The following S100A13 variants were observed in gnomAD, a reference collection of about 807,000 sequenced individuals.
S100A13 encodes S100 calcium binding protein A13, also known as protein S100-A13.
In S100A13, 6 loss-of-function variants were observed where a neutral mutation model predicts 8.2. The ratio of observed to expected loss-of-function variants is 0.73; its 90% CI spans 0.40 to 1.44. S100A13 has a LOEUF of 1.44. Ranked by LOEUF, S100A13 falls within the 40% of genes most tolerant of loss-of-function variation. The probability of loss-of-function intolerance (pLI) is 0.02; values close to 1 mark genes in which losing one functional copy is unlikely to be tolerated. For missense variants in S100A13, 114 were observed against 113.6 expected (o/e 1.00, Z -0.02); for synonymous variants, 39 against 45.9 (o/e 0.85, Z 0.61).
At chr1:153,628,401 T>C, upstream of S100A13, 1 of 1,550,268 alleles carries the variant, frequency 6.5e-7, no homozygotes, top group Non-Finnish European at 8.7e-7. Flanking sequence ...GGGGAGGGAC[T>C]GTTGAAGACA....
intron 2 of S100A13, among the ~76,000 whole-genome samples, chr1:153,620,846 G>C (rs776668497): frequency 1.3e-5 from 2 of 151,972 alleles, no homozygotes; most frequent in African/African-American, 2.4e-5. Context: ...TGAGAGGATC[G>C]CTTGAGCCCA....
upstream of S100A13, among the ~76,000 whole-genome samples, chr1:153,633,499 C>T (rs1161908482): frequency 6.6e-6 from 1 of 152,032 alleles, no homozygotes; most frequent in Non-Finnish European, 1.5e-5. Flanking sequence ...TAAACAGTAT[C>T]TAGGCCAAGT....
At chr1:153,633,818 AC>A (rs11355590), upstream of S100A13, 88,910 of 152,014 alleles carry the variant, frequency 0.58, 26,390 homozygotes, top group East Asian at 0.7. Flanking sequence ...ATTAATAACT[AC>A]CCCCAAGAGG....
chr1:153,626,193 C>G, intron 2 of S100A13, 127 bp downstream of exon 2: 1 of 824,502 alleles, frequency 1.2e-6, no homozygotes, highest in Non-Finnish European at 2.0e-6. Flanking sequence ...AACCTGCAAC[C>G]ATTGACACAT....
upstream of S100A13, chr1:153,630,536 G>A (rs535234507): frequency 3.1e-6 from 5 of 1,614,222 alleles, no homozygotes; most frequent in African/African-American, 5.3e-5. Flanking sequence ...GCTCTGAGCT[G>A]GAGACGGCGA....
upstream of S100A13, chr1:153,631,055 C>A (rs902022859): frequency 3.4e-6 from 1 of 296,792 alleles, no homozygotes; most frequent in Admixed American, 4.7e-5. Context: ...GCACTTGAAC[C>A]ATGGATTTCC....
chr1:153,630,032 G>A (rs1013116022), upstream of S100A13: 11 of 166,596 alleles, frequency 6.6e-5, no homozygotes, highest in Admixed American at 3.2e-4. Context: ...CTTGCTAGGG[G>A]TGGGCAGCAG....
At chr1:153,631,455 CT>C (rs1172435701), upstream of S100A13, 1 of 1,572,588 alleles carries the variant, frequency 6.4e-7, no homozygotes, top group Non-Finnish European at 8.6e-7. Flanking sequence ...GTAGTGCTTG[CT>C]TTATTATAGG....
At chr1:153,632,943 GC>G (rs1230456989), upstream of S100A13, 1 of 152,132 alleles carries the variant, frequency 6.6e-6, no homozygotes, top group Non-Finnish European at 1.5e-5. Context: ...ACAGAGGCGG[GC>G]AGATCACTTG....
intron 2 of S100A13, among the ~76,000 whole-genome samples, chr1:153,624,568 A>C (rs1425573026): frequency 3.3e-5 from 5 of 151,898 alleles, no homozygotes; most frequent in Middle Eastern, 3.4e-3. Context: ...AAAAAACCAC[A>C]ATCACTGCTT....
upstream of S100A13, chr1:153,632,383 T>C (rs1311628846): frequency 6.9e-6 from 1 of 145,782 alleles, no homozygotes; most frequent in Non-Finnish European, 1.5e-5. Flanking sequence ...GCGATTCACC[T>C]GCCTCAGCCT....
upstream of S100A13, chr1:153,628,749 C>G (rs577709564): frequency 8.7e-6 from 5 of 577,988 alleles, no homozygotes; most frequent in South Asian, 1.3e-4. Context: ...GGGAACCCAC[C>G]ATGAGCTTCC....
upstream of S100A13, chr1:153,631,600 G>A (rs778146451): frequency 1.5e-5 from 24 of 1,613,576 alleles, no homozygotes; most frequent in Admixed American, 5.0e-5. Context: ...AGTTCCTCTC[G>A]CTCATCTTTG....
chr1:153,633,237 G>C (rs575641232), upstream of S100A13: 1 of 152,144 alleles, frequency 6.6e-6, no homozygotes, highest in East Asian at 1.9e-4. Flanking sequence ...AATCCTAGGA[G>C]TCGGGAGGCT....
Position 153,626,392 on chromosome 1 carries a change from C to G in S100A13, c.81G>C (p.Glu27Asp). 1 of 1,614,206 alleles carries G rather than the reference C, an allele frequency of 6.2e-7. No homozygotes were observed. The highest frequency in any genetic ancestry group is 8.5e-7 in the Non-Finnish European group (1 of 1,180,030). ...TGACGCTGAGGCTATCCTTCCGGCC[C>G]TCCTGCCTTGCAAAGGTGAAGAAGG... ...VTTFFTFARQ[E>D]GRKDSLSVNE... The change falls in exon 2 of 3, where the codon GAG becomes GAC. Residue 27 changes from glutamate (E) to aspartate (D), a missense_variant. Coordinates refer to ENST00000476133, the MANE Select transcript of S100A13 (RefSeq NM_001024211.2).
At chr1:153,620,240 TCGCG>T (rs1667149949) in intron 2 of S100A13, among the ~76,000 whole-genome samples, 1 of 151,734 alleles carries the variant, frequency 6.6e-6, no homozygotes, top group Non-Finnish European at 1.5e-5. Context: ...TGAGCAGAGA[TCGCG>T]CCATTGCACT....
upstream of S100A13, chr1:153,631,873 C>G (rs1441001576): frequency 1.9e-6 from 3 of 1,607,224 alleles, no homozygotes; most frequent in Non-Finnish European, 2.5e-6. Context: ...CGCCCTTCCT[C>G]TCCACCCTCC....
chr1:153,633,388 C>T (rs1334617286), upstream of S100A13, among the ~76,000 whole-genome samples: 8 of 152,054 alleles, frequency 5.3e-5, no homozygotes, highest in Admixed American at 5.2e-4. Flanking sequence ...AAAGAGAAAT[C>T]CCTATGTAGG....
rs2230918 is a variant in S100A13, at chr1:153,619,032, C to T, written c.160G>A (p.Gly54Ser). 2.2e-3 allele frequency: 3,509 copies of T among 1,613,678 alleles called. 8 individuals carry two copies. The highest frequency in any genetic ancestry group is 2.7e-3 in the Non-Finnish European group (3,214 of 1,179,750). Residue 54 changes from glycine (G) to serine (S), a missense_variant, in exon 3 of 3, where the codon GGC becomes AGC. Transcript: ENST00000476133. ...QQLPHLLKDV[G>S]SLDEKMKSLD... ...CTCTTCATCTTCTCATCAAGAGAGC[C>T]CACATCCTGAGGAGACACCAAAGGG...
Sources: gnomAD v4.1 joint callset for allele counts (sites outside exome capture counted in the v4.1 genomes callset) on GRCh38, gnomAD v4.1.1 for gene constraint, MANE v1.5 for transcripts, NCBI Gene and HGNC (gene_info 2026-07-23, HGNC 2026-07-21) for gene names.